The following ESRRG variants were observed in gnomAD, a reference collection of about 807,000 sequenced individuals.
ESRRG encodes estrogen-related receptor gamma.
Under a neutral mutation model 44.0 loss-of-function variants are expected in ESRRG, and 13 were observed. The ratio of observed to expected loss-of-function variants is 0.30; its 90% CI spans 0.19 to 0.47. The LOEUF is 0.47. Among genes scored for constraint, ESRRG ranks in the 20% least tolerant of loss-of-function variants. ESRRG has a pLI of 1.00. For missense variants in ESRRG, 395 were observed against 580.6 expected (o/e 0.68, Z 3.29); for synonymous variants, 215 against 214.6 (o/e 1.00, Z -0.02).
intron 2 of ESRRG, among the ~76,000 whole-genome samples, chr1:216,840,052 T>G (rs1465550182): frequency 6.6e-6 from 1 of 152,190 alleles, no homozygotes; most frequent in East Asian, 1.9e-4. Flanking sequence ...CTTTGTAGCT[T>G]TGATGCCAGG....
At chr1:216,868,392 GAT>G (rs761540363) in intron 2 of ESRRG, among the ~76,000 whole-genome samples, 4 of 152,056 alleles carry the variant, frequency 2.6e-5, no homozygotes, top group Non-Finnish European at 4.4e-5. Context: ...ACGCCAGGCA[GAT>G]AGTTTGTTCT....
At chr1:216,980,142 C>T (rs1387071999) in intron 1 of ESRRG, among the ~76,000 whole-genome samples, 1 of 152,166 alleles carries the variant, frequency 6.6e-6, no homozygotes. Context: ...CTAAATCCTA[C>T]TTTTTCTTGT....
At position 217,130,190 on chromosome 1, in the gene ESRRG, A is replaced by AT. The variant is rs575514886; in HGVS notation, c.-230+7476dup. On this transcript the variant is annotated intron_variant, in intron 1 of 8. Coordinates refer to the ESRRG transcript ENST00000366940. ...CATTTGCCCTTTGATCTTGAATATC[A>AT]TTTTTGGTTTGTCACATTGATAGCA... Among the ~76,000 whole-genome samples, 258 of 152,182 alleles carry AT rather than the reference A, an allele frequency of 1.7e-3. 1 individual carries two copies. The highest frequency in any genetic ancestry group is 6.0e-3 in the African/African-American group (248 of 41,520).
At chr1:216,707,464 A>G in intron 1 of ESRRG, 1 of 1,535,194 alleles carries the variant, frequency 6.5e-7, no homozygotes, top group Non-Finnish European at 8.7e-7. Flanking sequence ...AATTACATTC[A>G]TGATGGGAAC....
At chr1:216,618,939 C>T (rs1243543951) in intron 3 of ESRRG, among the ~76,000 whole-genome samples, 4 of 152,208 alleles carry the variant, frequency 2.6e-5, no homozygotes, top group South Asian at 2.1e-4. Flanking sequence ...TTCCTTGGCA[C>T]GTGTGATTTA....
Position 216,893,138 on chromosome 1 carries a change from G to A in ESRRG, c.-14+46444C>T, listed in dbSNP as rs188616600. Among the ~76,000 whole-genome samples the A allele has an allele frequency of 1.1e-4, 17 of 152,220 alleles. No homozygotes were observed. The East Asian group carries it at 2.1e-3, about 19-fold the overall frequency. On this transcript the variant is annotated intron_variant, in intron 2 of 7. Coordinates refer to the ESRRG transcript ENST00000359162. ...GTTGAAACAAAACAAATATGGGACC[G>A]GCTTCCAAGCTTTTGTTCATGGAGT... is the stretch of plus-strand genomic sequence containing the variant.
intron 1 of ESRRG, among the ~76,000 whole-genome samples, chr1:216,969,212 C>G (rs916425805): frequency 6.6e-6 from 1 of 152,076 alleles, no homozygotes; most frequent in Non-Finnish European, 1.5e-5. Context: ...ACATTTTCTA[C>G]TGTCATGAAG....
At chr1:216,781,630 C>G (rs1455821758) in intron 2 of ESRRG, among the ~76,000 whole-genome samples, 1 of 152,024 alleles carries the variant, frequency 6.6e-6, no homozygotes, top group African/African-American at 2.4e-5. Flanking sequence ...AGCCAGCACA[C>G]ACACCACCCC....
At chr1:216,921,930 T>C (rs1386062368) in intron 2 of ESRRG, among the ~76,000 whole-genome samples, 2 of 152,194 alleles carry the variant, frequency 1.3e-5, no homozygotes, top group East Asian at 1.9e-4. Flanking sequence ...GCCTGGCACA[T>C]GGTAAAACCT....
intron 1 of ESRRG, among the ~76,000 whole-genome samples, chr1:217,089,189 T>G (rs1050560760): frequency 6.6e-6 from 1 of 151,988 alleles, no homozygotes; most frequent in African/African-American, 2.4e-5. Flanking sequence ...TACCAAGCAC[T>G]GAAGTCTCTA....
intron 3 of ESRRG, among the ~76,000 whole-genome samples, chr1:216,593,649 G>T (rs1388528618): frequency 6.6e-6 from 1 of 152,200 alleles, no homozygotes; most frequent in Non-Finnish European, 1.5e-5. Flanking sequence ...ATCTGGTAAG[G>T]CTGGCAAATG....
chr1:216,505,992 T>C lies in ESRRG; in HGVS notation c.*947A>G, dbSNP rs2041125558. The stretch of plus-strand genomic sequence containing the variant: ...TAATTGTTCAAAGCCAGCACAAAAT[T>C]GCAGTATTCTTATTTCTCTTTAGTA... On this transcript the variant is annotated 3_prime_UTR_variant, in exon 7 of 7. Coordinates refer to ENST00000408911, the MANE Select transcript of ESRRG (RefSeq NM_001438.4). 6.6e-6 allele frequency: 1 copy of C among 152,666 alleles called. No individual in the cohort carries two copies. The highest frequency in any genetic ancestry group is 2.4e-5 in the African/African-American group (1 of 41,452). The allele number at this position is 152,666 out of a possible 1,614,324, so 9.5% of individuals were successfully genotyped here.
At chr1:217,002,977 A>G (rs557410897) in intron 1 of ESRRG, among the ~76,000 whole-genome samples, 3 of 152,310 alleles carry the variant, frequency 2.0e-5, no homozygotes, top group African/African-American at 7.2e-5. Context: ...ATTTTAAGCC[A>G]TGAAAGCTTT....
intron 6 of ESRRG, among the ~76,000 whole-genome samples, chr1:216,514,397 C>T (rs2602142): frequency 0.9 from 136,868 of 152,088 alleles, 61,730 homozygotes; most frequent in Non-Finnish European, 0.93. Flanking sequence ...AGGAACAAAG[C>T]TCTACCTGCC....
At chr1:216,825,442 G>T (rs780008605) in intron 2 of ESRRG, among the ~76,000 whole-genome samples, 2 of 152,124 alleles carry the variant, frequency 1.3e-5, no homozygotes, top group Non-Finnish European at 1.5e-5. Context: ...AGATAAGGAG[G>T]TTTGCAAATG....
In ESRRG at chr1:216,689,335, C is replaced by A. The variant is rs74651750; in HGVS notation, c.57-11844G>T. Among the ~76,000 whole-genome samples, 1,452 of 152,134 alleles carry A rather than the reference C, an allele frequency of 9.5e-3. 20 individuals carry two copies. The highest frequency in any genetic ancestry group is 0.033 in the African/African-American group (1,376 of 41,548). ...GGCTCACTACCTAAGTTTCCTATGA[C>A]CATTACAGGAATTACCGTTTTGTTC... On this transcript the variant is annotated intron_variant, in intron 1 of 6. Coordinates refer to ENST00000408911, the MANE Select transcript of ESRRG (RefSeq NM_001438.4).
At chr1:216,944,661 AG>A (rs1426379371) in intron 1 of ESRRG, among the ~76,000 whole-genome samples, 2 of 152,180 alleles carry the variant, frequency 1.3e-5, no homozygotes, top group Non-Finnish European at 2.9e-5. Flanking sequence ...AAGTCCTGTA[AG>A]GCAAAGTGAC....
At chr1:216,932,935 C>T (rs2063586778) in intron 2 of ESRRG, among the ~76,000 whole-genome samples, 2 of 151,840 alleles carry the variant, frequency 1.3e-5, no homozygotes, top group Admixed American at 6.6e-5. Context: ...TACACTTTGG[C>T]TTAGCAATCC....
rs188804173 is a variant in ESRRG at position 217,027,424 on chromosome 1, A to G, written c.-106+62083T>C. On this transcript the variant is annotated intron_variant, in intron 1 of 7. Transcript: ENST00000359162. ...TTCAGCCCTTACAAACCACCCTTAC[A>G]GAGGTGATTCAGTGTAATTAGAAAT... is the stretch of plus-strand genomic sequence containing the variant. 4.2e-3 allele frequency among the ~76,000 whole-genome samples: 632 copies of G among 152,264 alleles called. 5 individuals carry two copies. The highest frequency in any genetic ancestry group is 0.013 in the African/African-American group (545 of 41,550).
Sources: allele counts gnomAD v4.1 joint callset (sites outside exome capture counted in the v4.1 genomes callset), GRCh38; gene constraint gnomAD v4.1.1; transcripts MANE v1.5; gene names NCBI Gene and HGNC (gene_info 2026-07-23, HGNC 2026-07-21).